Variants in B3GNT6 observed in about 807,000 individuals in gnomAD.
The protein encoded by B3GNT6 is acetylgalactosaminyl-O-glycosyl-glycoprotein beta-1,3-N-acetylglucosaminyltransferase.
For synonymous variants in B3GNT6, 300 were observed against 270.0 expected, an observed-to-expected ratio of 1.11 and a Z score of -1.09; for missense variants, 624 against 568.6, an observed-to-expected ratio of 1.10 and a Z score of -0.99.
chr11:77,037,826 T>C (rs1555027093), intron 1 of B3GNT6, among the ~76,000 whole-genome samples: 1 of 144,682 alleles, frequency 6.9e-6, no homozygotes, highest in Admixed American at 7.0e-5. Context: ...GGTGGGAGGA[T>C]CACCTGAGCC....
chr11:77,037,249 G>C (rs971430758), intron 1 of B3GNT6: 3 of 152,236 alleles, frequency 2.0e-5, no homozygotes, highest in African/African-American at 7.2e-5. Context: ...CTTCATGTGA[G>C]GCGGGAATGT....
chr11:77,039,436 C>T (rs2135378097), intron 1 of B3GNT6, 116 bp from the exon 2 acceptor site: 1 of 1,486,148 alleles, frequency 6.7e-7, no homozygotes, highest in Non-Finnish European at 8.9e-7. Flanking sequence ...CACTTAACAG[C>T]AGAGTTGAGA....
chr11:77,036,788 A>G (rs1949635926), intron 1 of B3GNT6, among the ~76,000 whole-genome samples: 1 of 152,200 alleles, frequency 6.6e-6, no homozygotes, highest in Non-Finnish European at 1.5e-5. Context: ...CTCCCACCCT[A>G]TGCAGGGTGC....
intron 1 of B3GNT6, among the ~76,000 whole-genome samples, chr11:77,034,877 G>A (rs1278988327): frequency 6.6e-6 from 1 of 152,210 alleles, no homozygotes; most frequent in African/African-American, 2.4e-5. Context: ...GACAATTCCT[G>A]GCCAGGCGAG....
chr11:77,036,556 C>T (rs1039105930), intron 1 of B3GNT6, among the ~76,000 whole-genome samples: 5 of 152,206 alleles, frequency 3.3e-5, no homozygotes, highest in African/African-American at 7.2e-5. Flanking sequence ...AAATATTTAT[C>T]GGCACCTTGA....
In B3GNT6 at chr11:77,040,634, C is replaced by T. The variant is rs1949679988; in HGVS notation, c.1083C>T (p.Tyr361=). Residue 361 remains tyrosine (Y), a synonymous_variant, in exon 2 of 2, where the codon TAC becomes TAT. Coordinates refer to ENST00000622824, the MANE Select transcript of B3GNT6 (RefSeq NM_138706.5). ...ELLLVHRFAP[Y]EMLLMWKALH... ...TGCTAGTGCACCGCTTCGCGCCCTA[C>T]GAGATGCTGCTCATGTGGAAGGCGC... is the stretch of plus-strand genomic sequence containing the variant. 5 of 1,600,628 alleles carry T rather than the reference C, an allele frequency of 3.1e-6. No individual in the cohort carries two copies. Among genetic ancestry groups the T allele is most frequent in the Non-Finnish European group, 3.4e-6 (4 of 1,179,132 alleles).
intron 1 of B3GNT6, among the ~76,000 whole-genome samples, chr11:77,035,796 C>T (rs1170234430): frequency 2.0e-5 from 3 of 152,218 alleles, no homozygotes; most frequent in Non-Finnish European, 4.4e-5. Flanking sequence ...GGGAACAGGG[C>T]CTTGCCCAAC....
At chr11:77,035,079 A>G (rs1949623094) in intron 1 of B3GNT6, among the ~76,000 whole-genome samples, 1 of 152,204 alleles carries the variant, frequency 6.6e-6, no homozygotes, top group South Asian at 2.1e-4. Context: ...GAATCACTTG[A>G]ACCCGGGAGC....
chr11:77,038,480 G>A (rs1949657167), intron 1 of B3GNT6, among the ~76,000 whole-genome samples: 1 of 152,006 alleles, frequency 6.6e-6, no homozygotes. Context: ...AAAAGCTGAA[G>A]TGGGAGGACT....
intron 1 of B3GNT6, among the ~76,000 whole-genome samples, chr11:77,039,057 G>C (rs934735696): frequency 2.0e-5 from 3 of 152,086 alleles, no homozygotes; most frequent in African/African-American, 7.2e-5. Context: ...TCCTCGACTC[G>C]GGAGGCAACG....
At chr11:77,035,027 T>C (rs1380233799) in intron 1 of B3GNT6, among the ~76,000 whole-genome samples, 4 of 151,798 alleles carry the variant, frequency 2.6e-5, no homozygotes, top group Non-Finnish European at 5.9e-5. Flanking sequence ...GGCATGGGGG[T>C]GGACGCCTGT....
At chr11:77,037,995 G>T (rs1389586569) in intron 1 of B3GNT6, among the ~76,000 whole-genome samples, 1 of 13,034 alleles carries the variant, frequency 7.7e-5, no homozygotes, top group Non-Finnish European at 1.5e-4. Flanking sequence ...AGAGGGAGGA[G>T]GAGGGGGAGG....
In B3GNT6 at chr11:77,039,752, G is replaced by A; in HGVS notation, c.201G>A (p.Gly67=). The part of the protein sequence containing the change: ...ADEPPSELVP[G]PPCVANASAN... ...AGCCGCCCTCGGAGCTCGTCCCCGGGCCCCCGTGCGTGGCGAACGCCTCGG... is the reference window on the plus strand; with the variant it reads ...AGCCGCCCTCGGAGCTCGTCCCCGGACCCCCGTGCGTGGCGAACGCCTCGG... Residue 67 remains glycine, a synonymous_variant, in exon 2 of 2, where the codon GGG becomes GGA. Coordinates refer to ENST00000622824, the MANE Select transcript of B3GNT6 (RefSeq NM_138706.5). 6.3e-7 allele frequency: 1 copy of A among 1,595,632 alleles called. No homozygotes were observed. The highest frequency in any genetic ancestry group is 8.5e-7 in the Non-Finnish European group (1 of 1,173,584).
chr11:77,041,110 C>T lies in B3GNT6; in HGVS notation c.*404C>T. 1 of 192,944 alleles carries T rather than the reference C, an allele frequency of 5.2e-6. No individual in the cohort carries two copies. The highest frequency in any genetic ancestry group is 1.9e-4 in the South Asian group (1 of 5,332). The allele number at this position is 192,944 out of a possible 1,614,324, so 12.0% of individuals were successfully genotyped here. A position where few individuals can be genotyped will look rare whatever the true frequency, so the allele number is the denominator to read the frequency against. ...CAAGGGAGACCTGGGAGCGTGGGAG[C>T]CAGGATCAGCGCCCCCTGCCATGTG... On this transcript the variant is annotated 3_prime_UTR_variant, in exon 2 of 2. Transcript: ENST00000622824.
Position 77,040,415 on chromosome 11 carries a change from C to G in B3GNT6, c.864C>G (p.Ser288=), listed in dbSNP as rs1052626929. The G allele has an allele frequency of 1.3e-6, 2 of 1,529,404 alleles. No homozygotes were observed. Among genetic ancestry groups the G allele is most frequent in the African/African-American group, 2.8e-5 (2 of 72,634 alleles). The allele number at this position is 1,529,404 out of a possible 1,614,324, so 94.7% of individuals were successfully genotyped here. Reference sequence around the variant, plus strand: ...GCAGCGGCGGCGGCTTCCTCCTGTCCGGCCCCACGGCCCGGGCCCTGCGCG... The same window carrying G: ...GCAGCGGCGGCGGCTTCCTCCTGTCGGGCCCCACGGCCCGGGCCCTGCGCG... ...VYCSGGGFLL[S]GPTARALRAA... The change falls in exon 2 of 2, where the codon TCC becomes TCG. Residue 288 remains serine (S), a synonymous_variant. Coordinates refer to ENST00000622824, the MANE Select transcript of B3GNT6 (RefSeq NM_138706.5).
At chr11:77,038,397 A>G (rs1158115797) in intron 1 of B3GNT6, among the ~76,000 whole-genome samples, 2 of 52,294 alleles carry the variant, frequency 3.8e-5, no homozygotes, top group African/African-American at 3.4e-4. Context: ...CCGTCTCTAC[A>G]GAAAAAAAAA....
Position 77,040,850 on chromosome 11 carries a change from G to A in B3GNT6, c.*144G>A. ...ACTGAAATCAGCTGGGGTGGGGGGT[G>A]TGGAAAATGCCTACATCCTGGCTCC... On this transcript the variant is annotated 3_prime_UTR_variant, in exon 2 of 2. Coordinates refer to ENST00000622824, the MANE Select transcript of B3GNT6 (RefSeq NM_138706.5). The A allele has an allele frequency of 1.5e-6, 2 of 1,304,288 alleles. No homozygotes were observed. Among genetic ancestry groups the A allele is most frequent in the South Asian group, 1.7e-5 (1 of 57,770 alleles). 80.8% of individuals were successfully genotyped at this position (1,304,288 alleles called of 1,614,324 possible).
chr11:77,039,870 G>GTGCGT lies in B3GNT6; in HGVS notation c.319_320insTGCGT (p.Ala107ValfsTer19). The GTGCGT allele has an allele frequency of 6.3e-7, 1 of 1,588,972 alleles. No homozygotes were observed. Among genetic ancestry groups the GTGCGT allele is most frequent in the South Asian group, 1.1e-5 (1 of 89,420 alleles). On this transcript the variant is annotated frameshift_variant, in exon 2 of 2. Coordinates refer to ENST00000622824, the MANE Select transcript of B3GNT6 (RefSeq NM_138706.5). LOFTEE classifies it low-confidence loss of function (END_TRUNC). ...CCGCCACTTCCCGCTGCTTTGGGACGCACCGGCCAAGTGCGCCGGCGGCCG... is the reference window on the plus strand; with the variant it reads ...CCGCCACTTCCCGCTGCTTTGGGACGTGCGTCACCGGCCAAGTGCGCCGGCGGCCG...
intron 1 of B3GNT6, among the ~76,000 whole-genome samples, chr11:77,036,859 G>A (rs1949636451): frequency 6.6e-6 from 1 of 152,196 alleles, no homozygotes; most frequent in East Asian, 1.9e-4. Context: ...CAGCCTAGGA[G>A]GGAAGATAAT....
Sources: allele counts gnomAD v4.1 joint callset (sites outside exome capture counted in the v4.1 genomes callset), GRCh38; gene constraint gnomAD v4.1.1; transcripts MANE v1.5; gene names NCBI Gene and HGNC (gene_info 2026-07-23, HGNC 2026-07-21).